SHISA6: variants seen among roughly 807,000 people sequenced by gnomAD.
The protein encoded by SHISA6 is shisa family member 6.
In SHISA6, 22 loss-of-function variants were observed where a neutral mutation model predicts 47.9. That is an observed-to-expected ratio of 0.46 (90% CI 0.33 to 0.66). SHISA6 has a LOEUF of 0.66. Among genes scored for constraint, SHISA6 ranks in the 30% least tolerant of loss-of-function variants. SHISA6 has a pLI of 0.02. For synonymous variants in SHISA6, 388 were observed against 337.8 expected (o/e 1.15, Z -1.63); for missense variants, 680 against 764.6 (o/e 0.89, Z 1.30).
intron 1 of SHISA6, among the ~76,000 whole-genome samples, chr17:11,252,971 G>C (rs941535390): frequency 6.6e-6 from 1 of 152,188 alleles, no homozygotes; most frequent in Admixed American, 6.5e-5. Flanking sequence ...ATATCAATGC[G>C]TTTCAGTGCT....
chr17:11,318,784 G>A (rs1910607813), intron 2 of SHISA6, among the ~76,000 whole-genome samples: 1 of 152,126 alleles, frequency 6.6e-6, no homozygotes, highest in African/African-American at 2.4e-5. Flanking sequence ...AGGAATAAAT[G>A]ACAAATATCC....
chr17:11,270,349 G>T (rs148071466), intron 2 of SHISA6, among the ~76,000 whole-genome samples: 1 of 152,330 alleles, frequency 6.6e-6, no homozygotes, highest in African/African-American at 2.4e-5. Flanking sequence ...GTTAATGAGA[G>T]AACTTTCTAT....
chr17:11,431,195 T>G lies in SHISA6; in HGVS notation c.895+51686T>G, dbSNP rs146161588. Among the ~76,000 whole-genome samples the G allele has an allele frequency of 3.4e-3, 518 of 152,246 alleles. 4 individuals carry two copies. The highest frequency in any genetic ancestry group is 0.012 in the African/African-American group (495 of 41,550). On this transcript the variant is annotated intron_variant, in intron 3 of 5. Transcript: ENST00000441885. ...GCTTGTTCTTCTGGTTGTTCATGTCTCCCCACTCTCCTCCATGCCACTGAG... is the reference window on the plus strand; with the variant it reads ...GCTTGTTCTTCTGGTTGTTCATGTCGCCCCACTCTCCTCCATGCCACTGAG...
At chr17:11,383,523 C>T (rs1442275204) in intron 3 of SHISA6, among the ~76,000 whole-genome samples, 2 of 152,126 alleles carry the variant, frequency 1.3e-5, no homozygotes, top group African/African-American at 2.4e-5. Context: ...GTCTCTCCCA[C>T]CTGTTGGTAG....
intron 2 of SHISA6, among the ~76,000 whole-genome samples, chr17:11,333,108 GT>G (rs1405876173): frequency 2.0e-5 from 3 of 152,138 alleles, no homozygotes; most frequent in Non-Finnish European, 2.9e-5. Context: ...TCCTCATGGT[GT>G]GGCTTGAGGA....
At chr17:11,439,068 G>C (rs1039699556) in intron 3 of SHISA6, among the ~76,000 whole-genome samples, 5 of 152,138 alleles carry the variant, frequency 3.3e-5, no homozygotes, top group African/African-American at 1.2e-4. Flanking sequence ...CCTCAGAGTT[G>C]TGCTGACCTG....
chr17:11,465,598 T>C (rs1305779219), intron 3 of SHISA6, among the ~76,000 whole-genome samples: 5 of 152,114 alleles, frequency 3.3e-5, no homozygotes, highest in African/African-American at 1.2e-4. Context: ...ATATCCTAGC[T>C]ACTGCCCCCA....
chr17:11,486,977 T>C, intron 3 of SHISA6, among the ~76,000 whole-genome samples: 1 of 152,238 alleles, frequency 6.6e-6, no homozygotes, highest in East Asian at 1.9e-4. Context: ...TAACATTTTG[T>C]TAGAACACAA....
chr17:11,370,813 G>A (rs1912610354), intron 2 of SHISA6, among the ~76,000 whole-genome samples: 1 of 152,126 alleles, frequency 6.6e-6, no homozygotes, highest in Admixed American at 6.5e-5. Context: ...AGAGTGTCGG[G>A]TAAGGTGGTC....
chr17:11,404,368 G>T (rs974547779), intron 3 of SHISA6, among the ~76,000 whole-genome samples: 2 of 152,178 alleles, frequency 1.3e-5, no homozygotes, highest in Non-Finnish European at 2.9e-5. Context: ...TGGAGTGAGG[G>T]GGGAGACAGT....
At chr17:11,336,038 A>T (rs1597463714) in intron 2 of SHISA6, among the ~76,000 whole-genome samples, 1 of 61,786 alleles carries the variant, frequency 1.6e-5, no homozygotes, top group African/African-American at 1.2e-4. Flanking sequence ...GTCTCTACTT[A>T]AAAAAAAAAA....
chr17:11,401,201 G>GT (rs1913761605), intron 3 of SHISA6, among the ~76,000 whole-genome samples: 1 of 152,078 alleles, frequency 6.6e-6, no homozygotes, highest in African/African-American at 2.4e-5. Context: ...TTGTTTGTGT[G>GT]TTTTTGTTTT....
intron 3 of SHISA6, among the ~76,000 whole-genome samples, chr17:11,490,870 A>T (rs758444915): frequency 1.3e-5 from 2 of 152,256 alleles, no homozygotes; most frequent in Non-Finnish European, 2.9e-5. Context: ...CTGATGACTC[A>T]ATGAAGAGAA....
intron 3 of SHISA6, among the ~76,000 whole-genome samples, chr17:11,489,887 C>A (rs1206562906): frequency 2.0e-5 from 3 of 152,156 alleles, no homozygotes; most frequent in African/African-American, 7.2e-5. Context: ...ACCACCATCA[C>A]ACACACAGCA....
In SHISA6 at chr17:11,495,602, G is replaced by A. The variant is rs373064643; in HGVS notation, c.896-56294G>A. ...TTCTTTCAAGGTTCCTCTTAGGGTGGCTGCCTACCAGTCCATCCCCTAGAT... is the reference window on the plus strand; with the variant it reads ...TTCTTTCAAGGTTCCTCTTAGGGTGACTGCCTACCAGTCCATCCCCTAGAT... On this transcript the variant is annotated intron_variant, in intron 3 of 5. Coordinates refer to ENST00000441885, the MANE Select transcript of SHISA6 (RefSeq NM_207386.4). 2.2e-4 allele frequency among the ~76,000 whole-genome samples: 33 copies of A among 152,278 alleles called. 1 individual carries two copies. The highest frequency in any genetic ancestry group is 7.5e-4 in the African/African-American group (31 of 41,564).
At chr17:11,447,864 A>T (rs571849192) in intron 3 of SHISA6, among the ~76,000 whole-genome samples, 30 of 152,202 alleles carry the variant, frequency 2.0e-4, no homozygotes, top group Non-Finnish European at 2.9e-4. Flanking sequence ...TACAGAGCTC[A>T]GGGGCTTATA....
intron 2 of SHISA6, among the ~76,000 whole-genome samples, chr17:11,264,877 A>C (rs1264770700): frequency 6.6e-6 from 1 of 152,208 alleles, no homozygotes; most frequent in African/African-American, 2.4e-5. Flanking sequence ...CCTCCTGAAA[A>C]ATACAAATAC....
intron 3 of SHISA6, among the ~76,000 whole-genome samples, chr17:11,548,898 T>C (rs2071905776): frequency 6.6e-6 from 1 of 152,128 alleles, no homozygotes; most frequent in Non-Finnish European, 1.5e-5. Flanking sequence ...ATTCATTAGG[T>C]ATGAAGAAGA....
chr17:11,436,295 C>T (rs1914938300), intron 3 of SHISA6, among the ~76,000 whole-genome samples: 1 of 152,156 alleles, frequency 6.6e-6, no homozygotes, highest in African/African-American at 2.4e-5. Flanking sequence ...CTTGGACTTC[C>T]AGGCTTCCAG....
Sources: allele counts gnomAD v4.1 joint callset (sites outside exome capture counted in the v4.1 genomes callset), GRCh38; gene constraint gnomAD v4.1.1; transcripts MANE v1.5; gene names NCBI Gene and HGNC (gene_info 2026-07-23, HGNC 2026-07-21).